Variants in CCSER2 observed in about 807,000 individuals in gnomAD.
CCSER2 encodes serine-rich coiled-coil domain-containing protein 2.
Under a neutral mutation model 92.3 loss-of-function variants are expected in CCSER2, and 46 were observed. The observed-to-expected ratio is 0.50, with a 90% CI of 0.39 to 0.64. The LOEUF is 0.64. Among genes scored for constraint, CCSER2 ranks in the 30% least tolerant of loss-of-function variants. The pLI, the probability that CCSER2 is intolerant of heterozygous loss-of-function variation, is 0.00. For synonymous variants in CCSER2, 433 were observed against 431.4 expected, an observed-to-expected ratio of 1.00 and a Z score of -0.04; for missense variants, 1,244 against 1,238.9, an observed-to-expected ratio of 1.00 and a Z score of -0.06.
intron 3 of CCSER2, among the ~76,000 whole-genome samples, chr10:84,376,836 T>C (rs1846364247): frequency 6.6e-6 from 1 of 152,114 alleles, no homozygotes; most frequent in Non-Finnish European, 1.5e-5. Context: ...TTCACCTTCT[T>C]GTCTATTCTT....
At chr10:84,397,841 C>G (rs995737537) in intron 3 of CCSER2, among the ~76,000 whole-genome samples, 2 of 152,172 alleles carry the variant, frequency 1.3e-5, no homozygotes, top group African/African-American at 2.4e-5. Flanking sequence ...ATTTCTGTTT[C>G]AGCCTTTGTA....
intron 3 of CCSER2, among the ~76,000 whole-genome samples, chr10:84,400,426 C>T (rs1410591366): frequency 6.6e-6 from 1 of 152,126 alleles, no homozygotes; most frequent in Non-Finnish European, 1.5e-5. Context: ...CTGCCTTGGC[C>T]TCCCGAAGTG....
chr10:84,435,389 T>TGTCC, intron 5 of CCSER2, among the ~76,000 whole-genome samples: 1 of 152,278 alleles, frequency 6.6e-6, no homozygotes, highest in South Asian at 2.1e-4. Context: ...TGTCAATATA[T>TGTCC]GTCCATATTC....
chr10:84,505,613 T>C (rs1848999044), intron 9 of CCSER2, among the ~76,000 whole-genome samples: 1 of 152,198 alleles, frequency 6.6e-6, no homozygotes. Context: ...ACTTTACTAA[T>C]TCAATTTCGT....
chr10:84,398,252 C>T (rs1022082819), intron 3 of CCSER2, among the ~76,000 whole-genome samples: 1 of 152,198 alleles, frequency 6.6e-6, no homozygotes, highest in Non-Finnish European at 1.5e-5. Flanking sequence ...CATTCTCCTT[C>T]TGTCTGTCTT....
chr10:84,432,630 C>A (rs1241682767), intron 5 of CCSER2, among the ~76,000 whole-genome samples: 1 of 152,176 alleles, frequency 6.6e-6, no homozygotes, highest in Admixed American at 6.5e-5. Flanking sequence ...AGATACCAAT[C>A]CTTTATCAGA....
At chr10:84,344,714 TG>T (rs1844385478) in intron 1 of CCSER2, among the ~76,000 whole-genome samples, 1 of 152,160 alleles carries the variant, frequency 6.6e-6, no homozygotes, top group Non-Finnish European at 1.5e-5. Flanking sequence ...TAAGGAGTCC[TG>T]AAAGAGCATC....
At chr10:84,355,864 A>G (rs1845139345) in intron 1 of CCSER2, among the ~76,000 whole-genome samples, 1 of 152,106 alleles carries the variant, frequency 6.6e-6, no homozygotes, top group African/African-American at 2.4e-5. Context: ...GCACTTTTGG[A>G]GGCTGAGGTG....
At chr10:84,504,555 C>G (rs1031205094) in intron 9 of CCSER2, among the ~76,000 whole-genome samples, 1 of 152,168 alleles carries the variant, frequency 6.6e-6, no homozygotes, top group Non-Finnish European at 1.5e-5. Flanking sequence ...GTCCTTTTGG[C>G]TGGAGAATTG....
intron 1 of CCSER2, among the ~76,000 whole-genome samples, chr10:84,329,901 AAAC>A (rs761163387): frequency 6.6e-6 from 1 of 152,220 alleles, no homozygotes; most frequent in Non-Finnish European, 1.5e-5. Context: ...TTTGTGTTCT[AAAC>A]AACATTGGCT....
chr10:84,503,496 A>T (rs1035124888), intron 9 of CCSER2, among the ~76,000 whole-genome samples: 6 of 152,292 alleles, frequency 3.9e-5, no homozygotes, highest in East Asian at 1.9e-4. Flanking sequence ...AACTGTGTAA[A>T]ATTGGGAGTA....
At chr10:84,478,368 C>T (rs1232706979) in intron 9 of CCSER2, among the ~76,000 whole-genome samples, 1 of 152,158 alleles carries the variant, frequency 6.6e-6, no homozygotes, top group Admixed American at 6.5e-5. Context: ...AGGTAGTAGA[C>T]ATTTCTTGTT....
At chr10:84,402,443 A>G (rs1842167922) in intron 3 of CCSER2, among the ~76,000 whole-genome samples, 1 of 152,240 alleles carries the variant, frequency 6.6e-6, no homozygotes. Context: ...ACCAACATGT[A>G]AAACAATGAA....
chr10:84,347,347 G>T (rs1844548741), intron 1 of CCSER2, among the ~76,000 whole-genome samples: 1 of 152,164 alleles, frequency 6.6e-6, no homozygotes, highest in African/African-American at 2.4e-5. Context: ...TTCCCAGAAG[G>T]GGCGGCCGGG....
chr10:84,512,352 C>T (rs1448704412), intron 9 of CCSER2, among the ~76,000 whole-genome samples: 1 of 118,620 alleles, frequency 8.4e-6, no homozygotes, highest in African/African-American at 2.9e-5. Flanking sequence ...ACATTTTAGC[C>T]CACATTATTT....
chr10:84,395,033 G>A (rs7916381), intron 3 of CCSER2, among the ~76,000 whole-genome samples: 1 of 151,734 alleles, frequency 6.6e-6, no homozygotes, highest in African/African-American at 2.4e-5. Context: ...AGACCAGACT[G>A]AGCAATGTAA....
intron 1 of CCSER2, among the ~76,000 whole-genome samples, chr10:84,341,784 C>G (rs1007699827): frequency 2.6e-5 from 4 of 152,214 alleles, no homozygotes; most frequent in Non-Finnish European, 5.9e-5. Context: ...TAGAGCAGCT[C>G]ATAGAACTTA....
chr10:84,395,162 T>G (rs1017880786), intron 3 of CCSER2, among the ~76,000 whole-genome samples: 2 of 148,338 alleles, frequency 1.3e-5, no homozygotes, highest in Non-Finnish European at 3.0e-5. Flanking sequence ...AGGTTGAGGC[T>G]GCAATGAGCC....
At chr10:84,424,317 T>G (rs1448543827) in intron 4 of CCSER2, among the ~76,000 whole-genome samples, 1 of 151,670 alleles carries the variant, frequency 6.6e-6, no homozygotes, top group Non-Finnish European at 1.5e-5. Context: ...TCCTGTAAGA[T>G]GACAACAAAT....
Sources: gnomAD v4.1 joint callset for allele counts (sites outside exome capture counted in the v4.1 genomes callset) on GRCh38, gnomAD v4.1.1 for gene constraint, MANE v1.5 for transcripts, NCBI Gene and HGNC (gene_info 2026-07-23, HGNC 2026-07-21) for gene names.